Variants in AOPEP observed in about 807,000 individuals in gnomAD.
AOPEP encodes the protein aminopeptidase O (putative), also known as aminopeptidase O.
A neutral mutation model predicts 98.1 loss-of-function variants in AOPEP; 77 were observed. The ratio of observed to expected loss-of-function variants is 0.78; its 90% confidence interval spans 0.65 to 0.95. The LOEUF (loss-of-function observed/expected upper bound fraction) is 0.95, where lower values mean the gene tolerates loss of function less well. Among genes scored for constraint, AOPEP ranks in the 40% least tolerant of loss-of-function variants. The pLI is 0.00. For missense variants in AOPEP, 1,024 were observed against 1,024.7 expected (o/e 1.00, Z 0.01); for synonymous variants, 346 against 365.3 (o/e 0.95, Z 0.60).
chr9:95,080,775 G>T lies in AOPEP; in HGVS notation c.2314G>T (p.Asp772Tyr). ...AAGTGTGGAGAGGTTCCTTCAGGAGGATCAGGTAGGTGTCATCTTTCAGCA... is the reference window on the plus strand; with the variant it reads ...AAGTGTGGAGAGGTTCCTTCAGGAGTATCAGGTAGGTGTCATCTTTCAGCA... The part of the protein sequence containing the change: ...YKSVERFLQE[D>Y]QAMGVYLYGE... The change falls in exon 15 of 17, where the codon GAT (aspartate) becomes TAT (tyrosine). Residue 772 changes from aspartate (D) to tyrosine (Y), a missense_variant. By Grantham distance (160) the Asp-to-Tyr change is radical. Coordinates refer to ENST00000375315, the MANE Select transcript of AOPEP (RefSeq NM_001193329.3). 1 of 1,612,442 alleles carries T rather than the reference G, an allele frequency of 6.2e-7. No homozygotes were observed. Among genetic ancestry groups the T allele is most frequent in the Non-Finnish European group, 8.5e-7 (1 of 1,178,472 alleles).
chr9:94,752,590 C>T (rs1321868040), intron 1 of AOPEP, among the ~76,000 whole-genome samples: 1 of 152,172 alleles, frequency 6.6e-6, no homozygotes, highest in Non-Finnish European at 1.5e-5. Context: ...CAGACATTTT[C>T]AAACATACAA....
intron 7 of AOPEP, among the ~76,000 whole-genome samples, chr9:94,951,361 G>T (rs947275241): frequency 6.6e-6 from 1 of 152,172 alleles, no homozygotes; most frequent in Non-Finnish European, 1.5e-5. Context: ...ATCTTGGGGG[G>T]GCCCCAGAGT....
chr9:94,921,008 G>C (rs2053533212), intron 5 of AOPEP, among the ~76,000 whole-genome samples: 1 of 146,370 alleles, frequency 6.8e-6, no homozygotes, highest in Non-Finnish European at 1.5e-5. Flanking sequence ...TGTTTTTTGA[G>C]ATTTGAAATA....
intron 11 of AOPEP, among the ~76,000 whole-genome samples, chr9:94,996,559 C>G (rs142407917): frequency 6.6e-6 from 1 of 152,184 alleles, no homozygotes; most frequent in Non-Finnish European, 1.5e-5. Flanking sequence ...ACTCCCATCA[C>G]GTCCCCTCCT....
chr9:95,015,927 C>A (rs2062943711), intron 13 of AOPEP, among the ~76,000 whole-genome samples: 1 of 152,112 alleles, frequency 6.6e-6, no homozygotes, highest in African/African-American at 2.4e-5. Context: ...GTCTCGAACT[C>A]CTGACCTCAA....
chr9:95,085,635 C>A, intron 16 of AOPEP: 1 of 374,676 alleles, frequency 2.7e-6, no homozygotes, highest in African/African-American at 2.1e-5. Flanking sequence ...GGAGCGCGAT[C>A]CTGGAGGATG....
rs2059589236 is a variant in AOPEP at position 94,972,391 on chromosome 9, G to T, written c.1916+4590G>T. Among the ~76,000 whole-genome samples, 1 of 152,160 alleles carries T rather than the reference G, an allele frequency of 6.6e-6. No homozygotes were observed. The highest frequency in any genetic ancestry group is 1.5e-5 in the Non-Finnish European group (1 of 68,026). On this transcript the variant is annotated intron_variant, in intron 10 of 16. Coordinates refer to ENST00000375315, the MANE Select transcript of AOPEP (RefSeq NM_001193329.3). The surrounding 1 kb of genome is among the most constrained non-coding windows in gnomAD (Gnocchi z 4.2). The stretch of plus-strand genomic sequence containing the variant: ...CAGAAGAAAACCCAGACAATCCTGA[G>T]CAGCAGTCTCTCCTGGTGAAAGAGC...
chr9:94,775,891 C>T (rs555870345), intron 3 of AOPEP, among the ~76,000 whole-genome samples: 19 of 152,066 alleles, frequency 1.2e-4, no homozygotes, highest in African/African-American at 3.9e-4. Flanking sequence ...GAGGCTGAGG[C>T]GGGAGAATGG....
At chr9:94,877,786 G>A (rs1328824420) in intron 5 of AOPEP, among the ~76,000 whole-genome samples, 1 of 152,122 alleles carries the variant, frequency 6.6e-6, no homozygotes, top group Non-Finnish European at 1.5e-5. Context: ...CTAATTCCCA[G>A]GTCTCAAGTG....
chr9:94,912,999 A>T (rs2052306983), intron 5 of AOPEP, among the ~76,000 whole-genome samples: 1 of 152,226 alleles, frequency 6.6e-6, no homozygotes, highest in South Asian at 2.1e-4. Context: ...TGTTACTTGC[A>T]GCTGAATACA....
At chr9:95,072,909 G>A (rs2068653948) in intron 14 of AOPEP, among the ~76,000 whole-genome samples, 1 of 152,198 alleles carries the variant, frequency 6.6e-6, no homozygotes, top group African/African-American at 2.4e-5. Context: ...CTGTGTTTCT[G>A]AGCCTTCCAG....
At chr9:94,901,254 A>G (rs936200909) in intron 5 of AOPEP, among the ~76,000 whole-genome samples, 1 of 152,206 alleles carries the variant, frequency 6.6e-6, no homozygotes. Context: ...GCCAAAAAGT[A>G]TAGAGTATTC....
chr9:95,035,659 C>T (rs1371335289), intron 13 of AOPEP, among the ~76,000 whole-genome samples: 1 of 151,796 alleles, frequency 6.6e-6, no homozygotes, highest in East Asian at 1.9e-4. Context: ...GCTGGGATTA[C>T]AGGCATGCAC....
chr9:94,969,070 C>G (rs1263860482), intron 10 of AOPEP, among the ~76,000 whole-genome samples: 1 of 152,078 alleles, frequency 6.6e-6, no homozygotes, highest in Non-Finnish European at 1.5e-5. Context: ...GGGATTTTAG[C>G]CCAAGCAGTC....
intron 13 of AOPEP, among the ~76,000 whole-genome samples, chr9:95,055,974 G>A (rs2066780777): frequency 6.6e-6 from 1 of 151,798 alleles, no homozygotes; most frequent in Admixed American, 6.6e-5. Context: ...GAAGAAGAAT[G>A]CTCCCTAAGC....
intron 13 of AOPEP, among the ~76,000 whole-genome samples, chr9:95,043,879 A>G (rs1034730812): frequency 6.6e-6 from 1 of 152,170 alleles, no homozygotes; most frequent in African/African-American, 2.4e-5. Context: ...TCTGATCTCA[A>G]ACTCGTGGGC....
intron 9 of AOPEP, among the ~76,000 whole-genome samples, chr9:94,961,465 T>C (rs1414420105): frequency 1.3e-5 from 2 of 152,358 alleles, no homozygotes; most frequent in Admixed American, 6.5e-5. Context: ...ATACCTGTTA[T>C]TTTCCAATTG....
At chr9:94,727,400 C>A (rs1462114505) in intron 1 of AOPEP, among the ~76,000 whole-genome samples, 4 of 152,176 alleles carry the variant, frequency 2.6e-5, no homozygotes, top group Admixed American at 2.6e-4. Context: ...CAGTTAATAG[C>A]ATTGCATAAA....
chr9:94,985,730 T>G (rs1309628380), intron 11 of AOPEP, among the ~76,000 whole-genome samples: 1 of 152,234 alleles, frequency 6.6e-6, no homozygotes, highest in South Asian at 2.1e-4. Flanking sequence ...GGGCTGCTAA[T>G]AATTTTGCTG....
Sources: allele counts gnomAD v4.1 joint callset (sites outside exome capture counted in the v4.1 genomes callset), GRCh38; gene constraint gnomAD v4.1.1; non-coding constraint Gnocchi (gnomAD v3.1); transcripts MANE v1.5; gene names NCBI Gene and HGNC (gene_info 2026-07-23, HGNC 2026-07-21).